RGPD2: variants seen among roughly 807,000 people sequenced by gnomAD.
The protein encoded by RGPD2 is RANBP2-like and GRIP domain-containing protein 2.
RGPD2 carries 2 observed loss-of-function variants against 36.0 expected under a neutral mutation model. The observed-to-expected ratio is 0.06, with a 90% CI of 0.02 to 0.17. The LOEUF is 0.17. RGPD2 is among the 10% of genes least tolerant of loss of function. The probability of loss-of-function intolerance (pLI) is 1.00; values close to 1 mark genes in which losing one functional copy is unlikely to be tolerated. For missense variants in RGPD2, 40 were observed against 464.3 expected (o/e 0.09, Z 8.40); for synonymous variants, 19 against 163.8 (o/e 0.12, Z 6.75).
the RGPD2 span, among the ~76,000 whole-genome samples, chr2:87,955,984 TTTC>T: frequency 2.4e-5 from 1 of 41,212 alleles, no homozygotes; most frequent in Non-Finnish European, 4.9e-5. Context: ...CTTTTTGTTT[TTTC>T]TTATTTTCTT....
At chr2:87,825,806 G>C (rs1686787193), upstream of RGPD2, 23 of 1,478,534 alleles carry the variant, frequency 1.6e-5, no homozygotes, top group South Asian at 2.2e-4. Flanking sequence ...CAACAGGAAA[G>C]CGCCTGAAAG....
At chr2:87,929,629 G>A in the RGPD2 span, among the ~76,000 whole-genome samples, 37,928 of 150,030 alleles carry the variant, frequency 0.25, 5,186 homozygotes, top group Non-Finnish European at 0.3. Flanking sequence ...TAACAAGAAT[G>A]TCATTAAATC....
At chr2:87,916,102 C>T in the RGPD2 span, among the ~76,000 whole-genome samples, 6 of 152,150 alleles carry the variant, frequency 3.9e-5, no homozygotes, top group African/African-American at 1.4e-4. Context: ...AAAACTGTCT[C>T]AGTTTATTAC....
the RGPD2 span, chr2:87,985,717 A>G: frequency 1.9e-6 from 3 of 1,563,918 alleles, no homozygotes; most frequent in Admixed American, 1.7e-5. Flanking sequence ...AAACAATTGT[A>G]TTTACTTACA....
chr2:87,856,973 C>G, the RGPD2 span, among the ~76,000 whole-genome samples: 8 of 152,158 alleles, frequency 5.3e-5, no homozygotes, highest in Non-Finnish European at 7.3e-5. Flanking sequence ...GGACACTACT[C>G]AAATTGTAGG....
chr2:87,976,497 T>G, the RGPD2 span, among the ~76,000 whole-genome samples: 1 of 151,528 alleles, frequency 6.6e-6, no homozygotes, highest in African/African-American at 2.4e-5. Flanking sequence ...CAGAACTTAT[T>G]CCATTACTTT....
chr2:87,853,207 C>CTT, the RGPD2 span, among the ~76,000 whole-genome samples: 53 of 128,192 alleles, frequency 4.1e-4, no homozygotes, highest in Non-Finnish European at 7.2e-4. Context: ...TATGTTGTCA[C>CTT]TTTTTTTTTT....
At chr2:87,769,481 G>A (rs1289601488) in intron 22 of RGPD2, among the ~76,000 whole-genome samples, 1 of 148,554 alleles carries the variant, frequency 6.7e-6, no homozygotes, top group African/African-American at 2.5e-5. Context: ...TTTCTAATGT[G>A]TATCTCCTCT....
chr2:87,932,787 T>G, the RGPD2 span, among the ~76,000 whole-genome samples: 2 of 151,962 alleles, frequency 1.3e-5, no homozygotes, highest in African/African-American at 4.8e-5. Flanking sequence ...GCCCGATTCC[T>G]TCTGGTTTAT....
the RGPD2 span, among the ~76,000 whole-genome samples, chr2:87,873,100 T>C: frequency 6.6e-6 from 1 of 152,246 alleles, no homozygotes; most frequent in African/African-American, 2.4e-5. Flanking sequence ...TGTTTGGTTT[T>C]CTGTTCCTGC....
the RGPD2 span, among the ~76,000 whole-genome samples, chr2:87,951,416 C>T: frequency 6.6e-6 from 1 of 151,906 alleles, no homozygotes; most frequent in Non-Finnish European, 1.5e-5. Context: ...ACAGAGAGAA[C>T]CCCTGAGAGA....
rs1335601297 is a variant in RGPD2, at chr2:87,809,261, C to T, written c.779+2224G>A. Among the ~76,000 whole-genome samples, 216 of 150,532 alleles carry T rather than the reference C, an allele frequency of 1.4e-3. 3 individuals carry two copies. The highest frequency in any genetic ancestry group is 4.6e-3 in the African/African-American group (191 of 41,172). Reference sequence around the variant, plus strand: ...CAGAGCTTGCAGTGAGCCGAGATGGCGCCACTGCACTCCAGCCTGGGCAAC... The same window carrying T: ...CAGAGCTTGCAGTGAGCCGAGATGGTGCCACTGCACTCCAGCCTGGGCAAC... On this transcript the variant is annotated intron_variant, in intron 6 of 22. Transcript: ENST00000398146.
the RGPD2 span, among the ~76,000 whole-genome samples, chr2:87,844,817 A>G: frequency 0.097 from 13,577 of 140,222 alleles, no homozygotes; most frequent in Middle Eastern, 0.12. Context: ...AACCTGTAAT[A>G]TCTCATTTAT....
chr2:87,889,343 G>GT, the RGPD2 span, among the ~76,000 whole-genome samples: 17 of 30,288 alleles, frequency 5.6e-4, no homozygotes, highest in East Asian at 8.9e-4. Flanking sequence ...ATAAACTACT[G>GT]TTTTTTTTAA....
the RGPD2 span, among the ~76,000 whole-genome samples, chr2:87,915,460 CA>C: frequency 5.2e-5 from 7 of 134,556 alleles, no homozygotes; most frequent in African/African-American, 2.0e-4. Flanking sequence ...CACATATACA[CA>C]TATATGTGTA....
chr2:87,844,304 C>T, the RGPD2 span, among the ~76,000 whole-genome samples: 26 of 145,914 alleles, frequency 1.8e-4, 1 homozygote, highest in Middle Eastern at 7.0e-3. Flanking sequence ...TTCTGATACA[C>T]GGTTTCAGAA....
At chr2:87,940,537 G>C in the RGPD2 span, among the ~76,000 whole-genome samples, 1 of 109,658 alleles carries the variant, frequency 9.1e-6, no homozygotes, top group Non-Finnish European at 2.2e-5. Context: ...AAATGGCATC[G>C]TAAGAAAAAC....
chr2:87,984,993 G>C, the RGPD2 span, among the ~76,000 whole-genome samples: 2 of 147,402 alleles, frequency 1.4e-5, no homozygotes, highest in Admixed American at 6.8e-5. Flanking sequence ...TGGTACAGCT[G>C]AGCTACCTGG....
chr2:87,832,403 T>C, the RGPD2 span, among the ~76,000 whole-genome samples: 22 of 152,116 alleles, frequency 1.4e-4, no homozygotes, highest in South Asian at 3.7e-3. Context: ...GGACAAATAT[T>C]AACTACAACA....
Sources: allele counts gnomAD v4.1 joint callset (sites outside exome capture counted in the v4.1 genomes callset), GRCh38; gene constraint gnomAD v4.1.1; transcripts MANE v1.5; gene names NCBI Gene and HGNC (gene_info 2026-07-23, HGNC 2026-07-21).